C1QTNF3: variants seen among roughly 807,000 people sequenced by gnomAD.
C1QTNF3 encodes the protein complement C1q tumor necrosis factor-related protein 3.
A neutral mutation model predicts 32.6 loss-of-function variants in C1QTNF3; 26 were observed. The ratio of observed to expected loss-of-function variants is 0.80; its 90% confidence interval spans 0.58 to 1.11. The LOEUF is 1.11. Ranked by LOEUF, C1QTNF3 falls within the 50% of genes least tolerant of loss-of-function variation. C1QTNF3 has a pLI of 0.00. For missense variants in C1QTNF3, 362 were observed against 398.2 expected, an observed-to-expected ratio of 0.91 and a Z score of 0.77; for synonymous variants, 155 against 146.0, an observed-to-expected ratio of 1.06 and a Z score of -0.44.
the C1QTNF3 span, among the ~76,000 whole-genome samples, chr5:34,163,652 A>C: frequency 6.6e-6 from 1 of 152,130 alleles, no homozygotes; most frequent in Non-Finnish European, 1.5e-5. Context: ...AAGGGCAAAA[A>C]ACCAGACTGG....
chr5:34,058,897 A>T, the C1QTNF3 span, among the ~76,000 whole-genome samples: 1 of 152,216 alleles, frequency 6.6e-6, no homozygotes, highest in Non-Finnish European at 1.5e-5. Context: ...TGAGGTTGAA[A>T]ATAGAAGTTG....
At chr5:34,228,402 C>T in the C1QTNF3 span, among the ~76,000 whole-genome samples, 1 of 151,368 alleles carries the variant, frequency 6.6e-6, no homozygotes, top group Non-Finnish European at 1.5e-5. Flanking sequence ...ACCTGGATAC[C>T]TTGTCTTCTA....
chr5:34,130,786 T>C, the C1QTNF3 span, among the ~76,000 whole-genome samples: 1 of 152,198 alleles, frequency 6.6e-6, no homozygotes, highest in Non-Finnish European at 1.5e-5. Context: ...GTACCCAAAA[T>C]GTATACACAC....
chr5:34,041,102 A>C (rs375551269), intron 1 of C1QTNF3, among the ~76,000 whole-genome samples: 14 of 152,330 alleles, frequency 9.2e-5, no homozygotes, highest in Admixed American at 5.2e-4. Flanking sequence ...AATACACGGG[A>C]ACTGAATGAA....
chr5:34,216,496 G>A, the C1QTNF3 span, among the ~76,000 whole-genome samples: 3 of 152,084 alleles, frequency 2.0e-5, no homozygotes, highest in East Asian at 1.9e-4. Flanking sequence ...AATTTGTACC[G>A]ATATTTTCCC....
chr5:34,112,682 A>C, the C1QTNF3 span, among the ~76,000 whole-genome samples: 3 of 152,000 alleles, frequency 2.0e-5, 1 homozygote, highest in South Asian at 6.2e-4. Flanking sequence ...ACAAACAGAC[A>C]AAAAAAACCA....
chr5:34,078,547 G>C, the C1QTNF3 span, among the ~76,000 whole-genome samples: 21 of 151,670 alleles, frequency 1.4e-4, 1 homozygote, highest in Non-Finnish European at 2.2e-4. This position sits in a 1 kb window ranked among gnomAD's most constrained non-coding sequence, Gnocchi z 4.0. Context: ...AATAGCATGG[G>C]AGAAACCGCC....
chr5:34,113,832 T>G, the C1QTNF3 span, among the ~76,000 whole-genome samples: 1 of 152,110 alleles, frequency 6.6e-6, no homozygotes, highest in African/African-American at 2.4e-5. Flanking sequence ...TATAAAATAT[T>G]TTGGTTGTGA....
the C1QTNF3 span, among the ~76,000 whole-genome samples, chr5:34,163,673 A>ACTCTC: frequency 6.6e-6 from 1 of 152,130 alleles, no homozygotes; most frequent in South Asian, 2.1e-4. Context: ...ACATAGAAAG[A>ACTCTC]CTCTCACCAC....
At chr5:34,196,906 C>T in the C1QTNF3 span, among the ~76,000 whole-genome samples, 17 of 152,380 alleles carry the variant, frequency 1.1e-4, no homozygotes, top group African/African-American at 3.8e-4. Flanking sequence ...ATGATCTGCC[C>T]GCCTCGGCCT....
the C1QTNF3 span, among the ~76,000 whole-genome samples, chr5:34,194,857 CT>C: frequency 1.3e-5 from 2 of 149,750 alleles, no homozygotes; most frequent in African/African-American, 4.9e-5. Context: ...CATATCAACT[CT>C]AGATCACTCA....
At chr5:34,028,905 A>G (rs774459574) in intron 3 of C1QTNF3, 22 bp from the exon 4 acceptor site, 6 of 1,599,206 alleles carry the variant, frequency 3.8e-6, no homozygotes, top group Non-Finnish European at 5.1e-6. Context: ...ATTATTGGTC[A>G]ATAAATAGGC....
chr5:34,231,532 T>C, the C1QTNF3 span, among the ~76,000 whole-genome samples: 2 of 152,314 alleles, frequency 1.3e-5, no homozygotes, highest in Admixed American at 1.3e-4. Flanking sequence ...AACAAGCACA[T>C]ATGCTCATTC....
the C1QTNF3 span, among the ~76,000 whole-genome samples, chr5:34,153,149 CA>C: frequency 1.8e-3 from 3 of 1,642 alleles, no homozygotes; most frequent in African/African-American, 7.3e-3. Flanking sequence ...ATCAAAACCA[CA>C]ATGAGATATC....
At chr5:34,083,906 A>C in the C1QTNF3 span, among the ~76,000 whole-genome samples, 1 of 151,932 alleles carries the variant, frequency 6.6e-6, no homozygotes, top group Non-Finnish European at 1.5e-5. Flanking sequence ...CACTAAATAT[A>C]TTTCAAAGAA....
the C1QTNF3 span, among the ~76,000 whole-genome samples, chr5:34,222,908 T>C: frequency 6.6e-6 from 1 of 152,004 alleles, no homozygotes; most frequent in Non-Finnish European, 1.5e-5. Context: ...AATATTATAA[T>C]ACTAATGAGA....
chr5:34,218,422 T>C, the C1QTNF3 span: 1 of 151,132 alleles, frequency 6.6e-6, no homozygotes, highest in African/African-American at 2.5e-5. Context: ...TGTTGCATTG[T>C]GTGGAGTGCA....
chr5:34,165,493 G>T, the C1QTNF3 span: 2 of 152,096 alleles, frequency 1.3e-5, no homozygotes, highest in Admixed American at 1.3e-4. Context: ...TATGTACAAT[G>T]CTGAACACAG....
the C1QTNF3 span, among the ~76,000 whole-genome samples, chr5:34,218,886 T>C: frequency 4.6e-5 from 7 of 152,008 alleles, no homozygotes; most frequent in Non-Finnish European, 8.8e-5. Context: ...CAAGTAACAC[T>C]CTAAAGATTC....
Sources: allele counts gnomAD v4.1 joint callset (sites outside exome capture counted in the v4.1 genomes callset), GRCh38; gene constraint gnomAD v4.1.1; non-coding constraint Gnocchi (gnomAD v3.1); transcripts MANE v1.5; gene names NCBI Gene and HGNC (gene_info 2026-07-23, HGNC 2026-07-21).